The following SEMA3C variants were observed in gnomAD, a reference collection of about 807,000 sequenced individuals.
SEMA3C encodes semaphorin-3C.
In SEMA3C, 47 loss-of-function variants were observed where a neutral mutation model predicts 89.4. The ratio of observed to expected loss-of-function variants is 0.53; its 90% CI spans 0.42 to 0.67. The LOEUF is 0.67. Ranked by LOEUF, SEMA3C falls within the 30% of genes least tolerant of loss-of-function variation. SEMA3C has a pLI of 0.00. For synonymous variants in SEMA3C, 310 were observed against 320.2 expected, an observed-to-expected ratio of 0.97 and a Z score of 0.34; for missense variants, 839 against 929.1, an observed-to-expected ratio of 0.90 and a Z score of 1.26.
chr7:80,905,945 ATTTTG>A, intron 2 of SEMA3C: 5 of 1,251,312 alleles, frequency 4.0e-6, no homozygotes, highest in South Asian at 2.5e-5. Flanking sequence ...ATTGAATGTA[ATTTTG>A]TTTTGTTTTT....
At chr7:80,799,580 T>C (rs1789148300) in intron 10 of SEMA3C, among the ~76,000 whole-genome samples, 1 of 152,140 alleles carries the variant, frequency 6.6e-6, no homozygotes, top group Non-Finnish European at 1.5e-5. Flanking sequence ...CGGTGGCTCA[T>C]GCCTGTAATC....
chr7:80,880,613 C>G (rs1457545597), intron 2 of SEMA3C, among the ~76,000 whole-genome samples: 1 of 152,116 alleles, frequency 6.6e-6, no homozygotes, highest in Non-Finnish European at 1.5e-5. Flanking sequence ...TCCATGTATA[C>G]GCCATAATCT....
At chr7:80,836,534 C>T (rs182759390) in intron 2 of SEMA3C, among the ~76,000 whole-genome samples, 324 of 152,038 alleles carry the variant, frequency 2.1e-3, no homozygotes, top group African/African-American at 7.2e-3. Flanking sequence ...AAAAATTAGC[C>T]GGGCATGGTG....
intron 2 of SEMA3C, among the ~76,000 whole-genome samples, chr7:80,853,466 C>G (rs1790564110): frequency 6.6e-6 from 1 of 152,162 alleles, no homozygotes; most frequent in African/African-American, 2.4e-5. Flanking sequence ...GTCATTTGCA[C>G]AACATGGTTG....
chr7:80,818,163 T>A, intron 5 of SEMA3C, 136 bp downstream of exon 5: 1 of 815,782 alleles, frequency 1.2e-6, no homozygotes, highest in South Asian at 2.8e-5. Context: ...CAGGAAAAAA[T>A]GTAATATAGT....
At chr7:80,796,003 G>A (rs1188600771) in intron 11 of SEMA3C, among the ~76,000 whole-genome samples, 1 of 152,156 alleles carries the variant, frequency 6.6e-6, no homozygotes, top group Non-Finnish European at 1.5e-5. Flanking sequence ...AAGCAGCATG[G>A]CTCTCTTTTA....
At chr7:80,847,356 C>A (rs1487897655) in intron 2 of SEMA3C, 1 of 152,130 alleles carries the variant, frequency 6.6e-6, no homozygotes, top group Non-Finnish European at 1.5e-5. Flanking sequence ...CTGTAGTATA[C>A]AATAAGAGTA....
chr7:80,869,525 TC>T (rs774660507), intron 2 of SEMA3C, among the ~76,000 whole-genome samples: 6 of 152,158 alleles, frequency 3.9e-5, no homozygotes, highest in Non-Finnish European at 8.8e-5. Context: ...TTTCCAGAAC[TC>T]ACAACAGAGC....
intron 2 of SEMA3C, among the ~76,000 whole-genome samples, chr7:80,844,675 G>A (rs1016220221): frequency 1.3e-5 from 2 of 152,132 alleles, no homozygotes; most frequent in African/African-American, 4.8e-5. Flanking sequence ...TCCTCAGAGA[G>A]GTCAGATCTA....
rs545705390 is a variant in SEMA3C at position 80,875,743 on chromosome 7, T to A, written c.103+40936A>T. Among the ~76,000 whole-genome samples, 10 of 151,788 alleles carry A rather than the reference T, an allele frequency of 6.6e-5. No homozygotes were observed. The East Asian group carries it at 1.9e-3, about 29-fold the overall frequency. Reference sequence around the variant, plus strand: ...TATCTCAGTGTTTGTGATCTAGTAATCCGTACTTTACTTAATAATGGCCCC... The same window carrying A: ...TATCTCAGTGTTTGTGATCTAGTAAACCGTACTTTACTTAATAATGGCCCC... On this transcript the variant is annotated intron_variant, in intron 2 of 17. Transcript: ENST00000265361.
At chr7:80,766,442 G>A (rs538123644) in intron 12 of SEMA3C, among the ~76,000 whole-genome samples, 6 of 152,144 alleles carry the variant, frequency 3.9e-5, no homozygotes, top group Non-Finnish European at 7.4e-5. Flanking sequence ...GCAGGCATAC[G>A]CCGGGTAAAT....
At chr7:80,759,436 C>A (rs1353707902) in intron 14 of SEMA3C, among the ~76,000 whole-genome samples, 2 of 152,128 alleles carry the variant, frequency 1.3e-5, no homozygotes, top group Admixed American at 6.5e-5. Flanking sequence ...ACCAGACTTC[C>A]TAGATTCAAA....
At chr7:80,785,946 A>C (rs1788791810) in intron 12 of SEMA3C, among the ~76,000 whole-genome samples, 1 of 152,060 alleles carries the variant, frequency 6.6e-6, no homozygotes. Flanking sequence ...GTTGTTAGAG[A>C]CTCAGGTAAA....
At chr7:80,760,246 G>A (rs911615211) in intron 14 of SEMA3C, among the ~76,000 whole-genome samples, 28 of 152,150 alleles carry the variant, frequency 1.8e-4, no homozygotes, top group African/African-American at 6.0e-4. Context: ...AATTTAAGAC[G>A]TTGAAGACAG....
intron 2 of SEMA3C, among the ~76,000 whole-genome samples, chr7:80,866,898 G>A (rs929961364): frequency 6.6e-6 from 1 of 152,122 alleles, no homozygotes; most frequent in Admixed American, 6.6e-5. Flanking sequence ...CATATTTTCT[G>A]ACTACATGTG....
At chr7:80,873,596 G>A (rs914956940) in intron 2 of SEMA3C, among the ~76,000 whole-genome samples, 1 of 152,112 alleles carries the variant, frequency 6.6e-6, no homozygotes, top group African/African-American at 2.4e-5. Flanking sequence ...CATCCCTATT[G>A]CATTTTCAGA....
intron 11 of SEMA3C, among the ~76,000 whole-genome samples, chr7:80,790,779 G>C (rs1788919039): frequency 6.6e-6 from 1 of 152,060 alleles, no homozygotes; most frequent in South Asian, 2.1e-4. Context: ...AGTATATTAT[G>C]TATCAGTTGC....
At chr7:80,919,350 C>A (rs1442240312), upstream of SEMA3C, 23 of 985,208 alleles carry the variant, frequency 2.3e-5, no homozygotes, top group Non-Finnish European at 2.5e-5. Context: ...CTTTCGCAGT[C>A]CGCGGCGGAG....
intron 5 of SEMA3C, chr7:80,815,998 T>C (rs1336502233): frequency 6.6e-6 from 1 of 152,160 alleles, no homozygotes; most frequent in Non-Finnish European, 1.5e-5. Flanking sequence ...TCACTTGTAT[T>C]GCTTTATCTT....
Sources: gnomAD v4.1 joint callset for allele counts (sites outside exome capture counted in the v4.1 genomes callset) on GRCh38, gnomAD v4.1.1 for gene constraint, MANE v1.5 for transcripts, NCBI Gene and HGNC (gene_info 2026-07-23, HGNC 2026-07-21) for gene names.